The following CAMTA1 variants were observed in gnomAD, a reference collection of about 807,000 sequenced individuals.
CAMTA1 encodes the protein calmodulin binding transcription activator 1.
CAMTA1 carries 27 observed loss-of-function variants against 170.9 expected under a neutral mutation model. That is an observed-to-expected ratio of 0.16 (90% CI 0.12 to 0.22). CAMTA1 has a LOEUF of 0.22. CAMTA1 is among the 10% of genes least tolerant of loss of function. CAMTA1 has a pLI of 1.00. For missense variants in CAMTA1, 1,619 were observed against 2,217.2 expected (o/e 0.73, Z 5.42); for synonymous variants, 833 against 891.5 (o/e 0.93, Z 1.17).
chr1:6,966,281 C>T (rs1317684794), intron 3 of CAMTA1, among the ~76,000 whole-genome samples: 3 of 152,188 alleles, frequency 2.0e-5, no homozygotes, highest in African/African-American at 7.2e-5. Flanking sequence ...TTGCCCCAGT[C>T]TATTTTAGGA....
In CAMTA1 at chr1:7,070,324, T is replaced by G. The variant is rs1638471972; in HGVS notation, c.235-20980T>G. Among the ~76,000 whole-genome samples the G allele has an allele frequency of 2.6e-5, 4 of 152,224 alleles. No homozygotes were observed. In the South Asian group the frequency reaches 8.3e-4, roughly 32 times the overall value. On this transcript the variant is annotated intron_variant, in intron 3 of 22. Coordinates refer to ENST00000303635, the MANE Select transcript of CAMTA1 (RefSeq NM_015215.4). Reference sequence around the variant, plus strand: ...ACGGGAATTCATGAAGGAGCCTGAATATGCAGCAGCCACATCTGGGTTTAT... The same window carrying G: ...ACGGGAATTCATGAAGGAGCCTGAAGATGCAGCAGCCACATCTGGGTTTAT...
At chr1:6,836,113 G>A (rs1046376850) in intron 3 of CAMTA1, among the ~76,000 whole-genome samples, 2 of 152,140 alleles carry the variant, frequency 1.3e-5, no homozygotes, top group East Asian at 3.9e-4. Context: ...AAGTCTTTTC[G>A]AATACTGCCT....
chr1:7,266,547 G>T (rs1275337070), intron 5 of CAMTA1, among the ~76,000 whole-genome samples: 1 of 152,230 alleles, frequency 6.6e-6, no homozygotes, highest in Non-Finnish European at 1.5e-5. Flanking sequence ...AAACAGATAG[G>T]TTCTTCACCC....
intron 5 of CAMTA1, among the ~76,000 whole-genome samples, chr1:7,284,142 T>C (rs1046901083): frequency 4.1e-5 from 4 of 97,184 alleles, no homozygotes; most frequent in Non-Finnish European, 8.1e-5. Flanking sequence ...CTTCTTCTTC[T>C]TCTTCTTCTT....
chr1:6,953,213 T>G (rs1365405495), intron 3 of CAMTA1, among the ~76,000 whole-genome samples: 1 of 152,194 alleles, frequency 6.6e-6, no homozygotes, highest in Non-Finnish European at 1.5e-5. Context: ...TCAGTATAGA[T>G]TCCATTCGTG....
chr1:7,732,561 G>A lies in CAMTA1; in HGVS notation c.3028G>A (p.Gly1010Ser). 6.2e-7 allele frequency: 1 copy of A among 1,612,638 alleles called. No individual in the cohort carries two copies. The highest frequency in any genetic ancestry group is 8.5e-7 in the Non-Finnish European group (1 of 1,179,710). Residue 1010 changes from glycine (G) to serine (S), a missense_variant, in exon 12 of 23, where the codon GGC becomes AGC. This residue lies in a region of CAMTA1 where 143 missense variants were observed against 184.2 expected (regional missense o/e 0.78). Coordinates refer to ENST00000303635, the MANE Select transcript of CAMTA1 (RefSeq NM_015215.4). The surrounding 1 kb of genome is among the most constrained non-coding windows in gnomAD (Gnocchi z 4.1). ...KQASGGGSSG[G>S]GSGSGNGGSQ... ...GGCGAGCGGAGGCGGCAGCAGTGGAGGCGGCAGCGGGAGCGGGAATGGAGG... is the reference window on the plus strand; with the variant it reads ...GGCGAGCGGAGGCGGCAGCAGTGGAAGCGGCAGCGGGAGCGGGAATGGAGG...
At chr1:6,901,493 C>A (rs1676927337) in intron 3 of CAMTA1, among the ~76,000 whole-genome samples, 1 of 152,112 alleles carries the variant, frequency 6.6e-6, no homozygotes, top group Admixed American at 6.5e-5. Context: ...AATAAGGGAT[C>A]CATAATGTAT....
At chr1:6,849,726 G>A (rs966261742) in intron 3 of CAMTA1, among the ~76,000 whole-genome samples, 1 of 151,888 alleles carries the variant, frequency 6.6e-6, no homozygotes. Context: ...GGGACAATTG[G>A]CTTACCACTT....
intron 5 of CAMTA1, among the ~76,000 whole-genome samples, chr1:7,323,702 G>C (rs1282655179): frequency 1.3e-5 from 2 of 151,760 alleles, no homozygotes; most frequent in Non-Finnish European, 2.9e-5. Context: ...TAAAACACTA[G>C]AACGACCTCT....
At chr1:7,310,659 CTTT>C (rs1242473790) in intron 5 of CAMTA1, among the ~76,000 whole-genome samples, 791 of 41,936 alleles carry the variant, frequency 0.019, 17 homozygotes, top group Middle Eastern at 0.051. Flanking sequence ...TTCTTTCTTT[CTTT>C]CTTTCTTTCC....
chr1:7,638,135 A>G (rs1044736033), intron 6 of CAMTA1, among the ~76,000 whole-genome samples: 1 of 152,194 alleles, frequency 6.6e-6, no homozygotes, highest in South Asian at 2.1e-4. Context: ...CATTCAAAAA[A>G]GCAGTTGCAG....
Position 7,663,424 on chromosome 1 carries a change from C to T in CAMTA1, c.877C>T (p.Arg293Trp), listed in dbSNP as rs1405074736. 8 of 1,563,012 alleles carry T rather than the reference C, an allele frequency of 5.1e-6. No homozygotes were observed. The highest frequency in any genetic ancestry group is 7.0e-6 in the Non-Finnish European group (8 of 1,150,084). ...CATCATCTCGCCCAAGGTGGAGCCA[C>T]GGACAGGGGGGTACGGGAGCCACTC... Reference protein sequence around the residue: ...HRIISPKVEPRTGGYGSHSEV... With the variant: ...HRIISPKVEPWTGGYGSHSEV... Residue 293 changes from arginine to tryptophan, a missense_variant, in exon 9 of 23, where the codon CGG (arginine) becomes TGG (tryptophan). Arg to Trp is a moderately radical substitution (Grantham distance 101). Coordinates refer to ENST00000303635, the MANE Select transcript of CAMTA1 (RefSeq NM_015215.4).
intron 3 of CAMTA1, among the ~76,000 whole-genome samples, chr1:6,984,562 C>T (rs968063912): frequency 6.6e-6 from 1 of 152,004 alleles, no homozygotes; most frequent in Non-Finnish European, 1.5e-5. Flanking sequence ...TGCAGTGAGC[C>T]GAGATGGCGC....
At chr1:7,478,570 T>G (rs769124902) in intron 6 of CAMTA1, among the ~76,000 whole-genome samples, 2 of 152,212 alleles carry the variant, frequency 1.3e-5, no homozygotes, top group Admixed American at 6.5e-5. Flanking sequence ...TATTAATTAG[T>G]CTTATTATCC....
Position 7,492,405 on chromosome 1 carries a change from G to A in CAMTA1, c.510+24504G>A, listed in dbSNP as rs181738101. On this transcript the variant is annotated intron_variant, in intron 6 of 22. Transcript: ENST00000303635. ...TTGCAGTCTGGGATCCTCAGCTGGGGTGTGCACATGAGCAAGGGTGCTCTA... is the reference window on the plus strand; with the variant it reads ...TTGCAGTCTGGGATCCTCAGCTGGGATGTGCACATGAGCAAGGGTGCTCTA... 8.9e-4 allele frequency among the ~76,000 whole-genome samples: 135 copies of A among 152,216 alleles called. 1 individual carries two copies. The highest frequency in any genetic ancestry group is 3.2e-3 in the African/African-American group (132 of 41,548).
intron 6 of CAMTA1, among the ~76,000 whole-genome samples, chr1:7,620,381 G>T (rs2095589678): frequency 6.6e-6 from 1 of 152,166 alleles, no homozygotes; most frequent in Non-Finnish European, 1.5e-5. Context: ...TGGAAGCCTG[G>T]CTTTCATCCA....
intron 5 of CAMTA1, among the ~76,000 whole-genome samples, chr1:7,373,211 C>T (rs1444225714): frequency 1.3e-5 from 2 of 152,204 alleles, no homozygotes; most frequent in African/African-American, 4.8e-5. Flanking sequence ...CCTCCACCTC[C>T]TGGAGTATTT....
intron 3 of CAMTA1, among the ~76,000 whole-genome samples, chr1:6,842,440 A>G (rs1302301325): frequency 6.6e-6 from 1 of 152,240 alleles, no homozygotes; most frequent in Non-Finnish European, 1.5e-5. Flanking sequence ...TTGTAAACAT[A>G]TCACGACCTG....
intron 5 of CAMTA1, among the ~76,000 whole-genome samples, chr1:7,285,666 A>T (rs1167579651): frequency 6.6e-6 from 1 of 152,182 alleles, no homozygotes; most frequent in African/African-American, 2.4e-5. Flanking sequence ...TAAACATCAC[A>T]TAAGGGGAAC....
Sources: allele counts gnomAD v4.1 joint callset (sites outside exome capture counted in the v4.1 genomes callset), GRCh38; gene constraint gnomAD v4.1.1; regional missense constraint gnomAD v4.1.1; non-coding constraint Gnocchi (gnomAD v3.1); transcripts MANE v1.5; gene names NCBI Gene and HGNC (gene_info 2026-07-23, HGNC 2026-07-21).